The following MTMR9 variants were observed in gnomAD, a reference collection of about 807,000 sequenced individuals.
MTMR9 encodes the protein myotubularin related protein 9, also known as myotubularin-related protein 9.
MTMR9 carries 39 observed loss-of-function variants against 69.5 expected under a neutral mutation model. That is an observed-to-expected ratio of 0.56 (90% CI 0.43 to 0.73). MTMR9 has a LOEUF of 0.73. Among genes scored for constraint, MTMR9 ranks in the 30% least tolerant of loss-of-function variants. The pLI is 0.00. For synonymous variants in MTMR9, 354 were observed against 240.8 expected, an observed-to-expected ratio of 1.47 and a Z score of -4.35; for missense variants, 900 against 671.2, an observed-to-expected ratio of 1.34 and a Z score of -3.77.
chr8:11,298,724 C>A (rs541062549), intron 2 of MTMR9: 5 of 895,752 alleles, frequency 5.6e-6, no homozygotes, highest in South Asian at 5.3e-5. Context: ...CGCTGCACCC[C>A]CCCCCCGCCA....
At chr8:11,287,856 TTA>T (rs1211180873) in intron 1 of MTMR9, among the ~76,000 whole-genome samples, 1 of 115,228 alleles carries the variant, frequency 8.7e-6, no homozygotes, top group African/African-American at 4.0e-5. Context: ...ATTATATATG[TTA>T]TATATTATAT....
chr8:11,293,880 C>CT (rs1192896164), intron 1 of MTMR9, among the ~76,000 whole-genome samples: 2 of 151,938 alleles, frequency 1.3e-5, no homozygotes, highest in Non-Finnish European at 2.9e-5. Context: ...TTTCTGGACT[C>CT]TTTTTTTCTG....
At chr8:11,298,485 T>C (rs897623753) in intron 2 of MTMR9, among the ~76,000 whole-genome samples, 3 of 152,116 alleles carry the variant, frequency 2.0e-5, no homozygotes, top group Admixed American at 6.5e-5. Flanking sequence ...TATAGATGGA[T>C]AGAAAAATAA....
chr8:11,317,496 G>C (rs1242599059), intron 8 of MTMR9: 1 of 152,150 alleles, frequency 6.6e-6, no homozygotes, highest in African/African-American at 2.4e-5. Context: ...GCTCACAGTA[G>C]GGTTTGCGCT....
In MTMR9 at chr8:11,315,026, C is replaced by T. The variant is rs141801830; in HGVS notation, c.1075C>T (p.Arg359Cys). Residue 359 changes from arginine to cysteine, a missense_variant, in exon 7 of 10, where the codon CGT becomes TGT. Arg to Cys is a radical substitution (Grantham distance 180). Transcript: ENST00000221086. ...CTTAGAGCCAAGAAGCAGGACCATT[C>T]GTGGTTTTGAGGCCCTGATTGAAAG... is the stretch of plus-strand genomic sequence containing the variant. ...IILEPRSRTI[R>C]GFEALIEREW... 1.1e-4 allele frequency: 171 copies of T among 1,613,778 alleles called. No individual in the cohort carries two copies. Among genetic ancestry groups the T allele is most frequent in the Non-Finnish European group, 1.2e-4 (137 of 1,179,782 alleles).
the MTMR9 span, among the ~76,000 whole-genome samples, chr8:11,336,883 A>G: frequency 6.6e-6 from 1 of 152,154 alleles, no homozygotes; most frequent in Non-Finnish European, 1.5e-5. Flanking sequence ...ATGGATTGCT[A>G]TTGTATGCAT....
chr8:11,333,955 AT>A, the MTMR9 span, among the ~76,000 whole-genome samples: 2 of 152,252 alleles, frequency 1.3e-5, no homozygotes, highest in Non-Finnish European at 2.9e-5. Context: ...TAATGCCATT[AT>A]CATGGGAGTG....
rs1288454156 is a variant in MTMR9, at chr8:11,285,006, T to G, written c.118T>G (p.Ser40Ala). The G allele has an allele frequency of 1.9e-6, 3 of 1,613,468 alleles. No individual in the cohort carries two copies. The highest frequency in any genetic ancestry group is 1.7e-5 in the Admixed American group (1 of 59,932). The change falls in exon 1 of 10, where the codon TCC (serine) becomes GCC (alanine). Residue 40 changes from serine (S) to alanine (A), a missense_variant. Transcript: ENST00000221086. ...GACGGGCCACCACTTGATCCTGTCC[T>G]CCCGGCAGGACAATACGGAGGAGCT... The part of the protein sequence containing the change: ...CLTGHHLILS[S>A]RQDNTEELWL...
At chr8:11,322,002 A>G (rs1021458073) in intron 9 of MTMR9, among the ~76,000 whole-genome samples, 3 of 152,214 alleles carry the variant, frequency 2.0e-5, no homozygotes, top group Non-Finnish European at 4.4e-5. Flanking sequence ...ACATAGGGCT[A>G]TGGAGAGGAG....
downstream of MTMR9, among the ~76,000 whole-genome samples, chr8:11,328,344 CGTGTGT>C (rs151066674): frequency 3.1e-3 from 281 of 90,994 alleles, no homozygotes; most frequent in Admixed American, 6.1e-3. Flanking sequence ...TTTAATACCA[CGTGTGT>C]GTGTGTGTGT....
intron 9 of MTMR9, chr8:11,320,860 A>G (rs1031119623): frequency 1.3e-5 from 2 of 152,312 alleles, no homozygotes; most frequent in East Asian, 1.9e-4. Flanking sequence ...ACATTTATTC[A>G]TGTTTATGTT....
chr8:11,308,704 A>G (rs982481971), intron 5 of MTMR9, among the ~76,000 whole-genome samples: 2 of 151,912 alleles, frequency 1.3e-5, no homozygotes, highest in Non-Finnish European at 2.9e-5. Context: ...TCTCATCTTT[A>G]TTTCTGATTG....
At chr8:11,292,672 C>G (rs903755228) in intron 1 of MTMR9, among the ~76,000 whole-genome samples, 1 of 152,034 alleles carries the variant, frequency 6.6e-6, no homozygotes, top group Non-Finnish European at 1.5e-5. Context: ...TATAGTTTTC[C>G]CATTTGTAAT....
At position 11,325,308 on chromosome 8, in the gene MTMR9, G is replaced by C. The variant is rs747982483; in HGVS notation, c.*2520G>C. 6.6e-6 allele frequency: 1 copy of C among 152,156 alleles called. No individual in the cohort carries two copies. The highest frequency in any genetic ancestry group is 2.4e-5 in the African/African-American group (1 of 41,438). The allele number at this position is 152,156 out of a possible 1,614,324, so 9.4% of individuals were successfully genotyped here. The stretch of plus-strand genomic sequence containing the variant: ...GATTTTTAGTAGTACTGTGAAGTTC[G>C]TGCTTACCTGGATGAGAAGAATAAA... On this transcript the variant is annotated 3_prime_UTR_variant, in exon 10 of 10. Coordinates refer to ENST00000221086, the MANE Select transcript of MTMR9 (RefSeq NM_015458.4).
rs1012745657 is a variant in MTMR9 at position 11,327,704 on chromosome 8, A to T, written c.*4916A>T. 6.6e-6 allele frequency: 1 copy of T among 152,660 alleles called. No homozygotes were observed. The highest frequency in any genetic ancestry group is 2.4e-5 in the African/African-American group (1 of 41,462). The allele number at this position is 152,660 out of a possible 1,614,324, so 9.5% of individuals were successfully genotyped here. A position where few individuals can be genotyped will look rare whatever the true frequency, so the allele number is the denominator to read the frequency against. ...CTTGGATTTAAGTGCACTATTATTC[A>T]TGGCTTATACAATAAAATTGCACTG... On this transcript the variant is annotated 3_prime_UTR_variant, in exon 10 of 10. Transcript: ENST00000221086.
chr8:11,287,826 T>C (rs1218248674), intron 1 of MTMR9, among the ~76,000 whole-genome samples: 2 of 124,466 alleles, frequency 1.6e-5, no homozygotes, highest in South Asian at 2.2e-4. Context: ...TAATATATAA[T>C]ATATAACATT....
intron 3 of MTMR9, among the ~76,000 whole-genome samples, chr8:11,302,211 C>T (rs893615161): frequency 2.2e-5 from 3 of 137,106 alleles, no homozygotes; most frequent in Admixed American, 1.6e-4. Context: ...AGTGATAATG[C>T]CGCTGCACTC....
In MTMR9 at chr8:11,319,830, T is replaced by A; in HGVS notation, c.1478T>A (p.Leu493Gln). 6.2e-7 allele frequency: 1 copy of A among 1,613,998 alleles called. No individual in the cohort carries two copies. Among genetic ancestry groups the A allele is most frequent in the South Asian group, 1.1e-5 (1 of 91,072 alleles). The change falls in exon 9 of 10, where the codon CTG becomes CAG. Residue 493 changes from leucine (L) to glutamine (Q), a missense_variant. Leu to Gln is a moderately radical substitution (Grantham distance 113, BLOSUM62 -2). Transcript: ENST00000221086. Reference protein sequence around the residue: ...WPSVAPQSLPLWEGIFLRWNR... With the variant: ...WPSVAPQSLPQWEGIFLRWNR... Reference sequence around the variant, plus strand: ...TCAGTTGCTCCGCAGAGTCTTCCACTGTGGGAAGGTAAACCACGCATCCTT... The same window carrying A: ...TCAGTTGCTCCGCAGAGTCTTCCACAGTGGGAAGGTAAACCACGCATCCTT...
At position 11,314,920 on chromosome 8, in the gene MTMR9, C is replaced by T; in HGVS notation, c.972-3C>T. 1 of 1,612,946 alleles carries T rather than the reference C, an allele frequency of 6.2e-7. No individual in the cohort carries two copies. Among genetic ancestry groups the T allele is most frequent in the South Asian group, 1.1e-5 (1 of 91,026 alleles). On this transcript the variant is annotated splice_polypyrimidine_tract_variant and splice_region_variant and intron_variant, in intron 6 of 9. Coordinates refer to ENST00000221086, the MANE Select transcript of MTMR9 (RefSeq NM_015458.4). ...TTGTACTCTTCCCTGATTTTCCTAT[C>T]AGGGAAGGAGCATCAATATTGATTC...
Sources: gnomAD v4.1 joint callset for allele counts (sites outside exome capture counted in the v4.1 genomes callset) on GRCh38, gnomAD v4.1.1 for gene constraint, MANE v1.5 for transcripts, NCBI Gene and HGNC (gene_info 2026-07-23, HGNC 2026-07-21) for gene names.